Variants in RASGEF1C observed in about 807,000 individuals in gnomAD.
RASGEF1C encodes the protein ras-GEF domain-containing family member 1C.
Under a neutral mutation model 58.1 loss-of-function variants are expected in RASGEF1C, and 27 were observed. The observed-to-expected ratio is 0.46, with a 90% CI of 0.34 to 0.64. RASGEF1C has a LOEUF of 0.64. Ranked by LOEUF, RASGEF1C falls within the 30% of genes least tolerant of loss-of-function variation. RASGEF1C has a pLI of 0.01. For missense variants in RASGEF1C, 502 were observed against 605.1 expected, an observed-to-expected ratio of 0.83 and a Z score of 1.79; for synonymous variants, 243 against 246.3, an observed-to-expected ratio of 0.99 and a Z score of 0.13.
intron 1 of RASGEF1C, among the ~76,000 whole-genome samples, chr5:180,196,250 G>A (rs543217520): frequency 1.5e-4 from 23 of 152,022 alleles, no homozygotes; most frequent in Non-Finnish European, 2.8e-4. Context: ...CTGTAATCCC[G>A]GCACTTTGGG....
chr5:180,198,759 T>C lies in RASGEF1C; in HGVS notation c.-7+10269A>G, dbSNP rs1206608586. On this transcript the variant is annotated intron_variant, in intron 1 of 13. Coordinates refer to ENST00000361132, the MANE Select transcript of RASGEF1C (RefSeq NM_175062.4). The surrounding 1 kb of genome is among the most constrained non-coding windows in gnomAD (Gnocchi z 4.5). Reference sequence around the variant, plus strand: ...TTTGTGGGGGGACATGCTCAGACCATAGCAGATGGGTTCAAACCTAGGCCT... The same window carrying C: ...TTTGTGGGGGGACATGCTCAGACCACAGCAGATGGGTTCAAACCTAGGCCT... Among the ~76,000 whole-genome samples the C allele has an allele frequency of 6.6e-6, 1 of 152,164 alleles. No individual in the cohort carries two copies. Among genetic ancestry groups the C allele is most frequent in the Non-Finnish European group, 1.5e-5 (1 of 68,032 alleles).
chr5:180,118,519 G>T, intron 10 of RASGEF1C, 90 bp downstream of exon 10: 1 of 1,196,230 alleles, frequency 8.4e-7, no homozygotes, highest in Non-Finnish European at 1.2e-6. Context: ...TACTGATGCT[G>T]CAGGGGGCAG....
intron 1 of RASGEF1C, among the ~76,000 whole-genome samples, chr5:180,147,584 T>C (rs1234168434): frequency 6.6e-6 from 1 of 152,214 alleles, no homozygotes; most frequent in African/African-American, 2.4e-5. Context: ...TGTTGTTTAC[T>C]TTCCACAAAT....
intron 4 of RASGEF1C, among the ~76,000 whole-genome samples, chr5:180,135,933 G>A (rs28395184): frequency 6.6e-6 from 1 of 152,208 alleles, no homozygotes. Context: ...TGTTCATCCT[G>A]TAGACACTCT....
intron 6 of RASGEF1C, among the ~76,000 whole-genome samples, chr5:180,124,231 CAA>C (rs11292353): frequency 1.6e-3 from 215 of 134,862 alleles, no homozygotes; most frequent in Admixed American, 1.5e-3. Context: ...GACTCTGTCT[CAA>C]AAAAAAAAAA....
chr5:180,155,313 T>TC lies in RASGEF1C; in HGVS notation c.-6-17256dup, dbSNP rs1324020027. On this transcript the variant is annotated intron_variant, in intron 1 of 13. Transcript: ENST00000361132. This position sits in a 1 kb window ranked among gnomAD's most constrained non-coding sequence, Gnocchi z 5.2. ...AGAGCCTGGAGCCTGGACACACATTTCATTTCCATTTGGGTCCCATGAAGG... is the reference window on the plus strand; with the variant it reads ...AGAGCCTGGAGCCTGGACACACATTTCCATTTCCATTTGGGTCCCATGAAGG... 3.3e-4 allele frequency among the ~76,000 whole-genome samples: 50 copies of TC among 152,290 alleles called. No individual in the cohort carries two copies. Among genetic ancestry groups the TC allele is most frequent in the African/African-American group, 1.2e-3 (49 of 41,568 alleles).
chr5:180,121,124 T>G lies in RASGEF1C; in HGVS notation c.740A>C (p.Asn247Thr). The G allele has an allele frequency of 6.2e-7, 1 of 1,614,046 alleles. No individual in the cohort carries two copies. Among genetic ancestry groups the G allele is most frequent in the Non-Finnish European group, 8.5e-7 (1 of 1,179,918 alleles). The change falls in exon 7 of 14, where the codon AAC (asparagine) becomes ACC (threonine). Residue 247 changes from asparagine (N) to threonine (T), a missense_variant. Coordinates refer to ENST00000361132, the MANE Select transcript of RASGEF1C (RefSeq NM_175062.4). ...GAACCATTTCACATAAGCCTCCAGG[T>G]TGCTGGTCTTGTCACTGAAGCAGGG... is the stretch of plus-strand genomic sequence containing the variant. ...TKPCFSDKTSNLEAYVKWFNR... is the reference protein window; with the variant it reads ...TKPCFSDKTSTLEAYVKWFNR...
intron 1 of RASGEF1C, among the ~76,000 whole-genome samples, chr5:180,178,935 G>A (rs573197695): frequency 4.7e-4 from 71 of 152,288 alleles, no homozygotes; most frequent in African/African-American, 1.6e-3. Context: ...GCCAAGGAGC[G>A]GAGTGGGGAG....
Position 180,118,821 on chromosome 5 carries a change from G to A in RASGEF1C, c.953C>T (p.Ala318Val), listed in dbSNP as rs1239479178. The A allele has an allele frequency of 6.2e-7, 1 of 1,614,094 alleles. No homozygotes were observed. The highest frequency in any genetic ancestry group is 1.3e-5 in the African/African-American group (1 of 74,948). ...GAAAAACTTGGCCGTCCTCACTTTG[G>A]CCCAGGTCTTCTTCAGCCTGGAGAC... ...SPVSRLKKTWAKVRTAKFFIL... is the reference protein window; with the variant it reads ...SPVSRLKKTWVKVRTAKFFIL... Residue 318 changes from alanine (A) to valine (V), a missense_variant, in exon 9 of 14, where the codon GCC becomes GTC. Ala to Val is a moderately conservative substitution (Grantham distance 64). Transcript: ENST00000361132.
chr5:180,140,128 G>A (rs1462038658), intron 1 of RASGEF1C, among the ~76,000 whole-genome samples: 1 of 152,202 alleles, frequency 6.6e-6, no homozygotes, highest in African/African-American at 2.4e-5. Context: ...GGAGGTGGGA[G>A]CAGTGTTCAG....
intron 11 of RASGEF1C, among the ~76,000 whole-genome samples, chr5:180,114,092 T>C (rs978874304): frequency 2.0e-5 from 3 of 152,198 alleles, no homozygotes; most frequent in African/African-American, 7.2e-5. Context: ...GCCTTTGGGC[T>C]GGTCCTGACC....
In RASGEF1C at chr5:180,202,684, A is replaced by T. The variant is rs751268589; in HGVS notation, c.-7+6344T>A. Among the ~76,000 whole-genome samples the T allele has an allele frequency of 3.3e-4, 50 of 152,140 alleles. 1 individual carries two copies. Among genetic ancestry groups the T allele is most frequent in the Non-Finnish European group, 5.4e-4 (37 of 68,024 alleles). Reference sequence around the variant, plus strand: ...AGTATAGAAAGCAAGCAAGCAGGAAATAACAGTACTCACAAGTCTTTCTTT... The same window carrying T: ...AGTATAGAAAGCAAGCAAGCAGGAATTAACAGTACTCACAAGTCTTTCTTT... On this transcript the variant is annotated intron_variant, in intron 1 of 13. Coordinates refer to ENST00000361132, the MANE Select transcript of RASGEF1C (RefSeq NM_175062.4).
intron 1 of RASGEF1C, among the ~76,000 whole-genome samples, chr5:180,180,571 G>A (rs1019964586): frequency 1.3e-5 from 2 of 152,220 alleles, no homozygotes; most frequent in Admixed American, 1.3e-4. Context: ...CTGCCCAGAG[G>A]TGCCAGGAGC....
intron 1 of RASGEF1C, among the ~76,000 whole-genome samples, chr5:180,190,471 C>A (rs1485445779): frequency 8.9e-6 from 1 of 112,176 alleles, no homozygotes; most frequent in Non-Finnish European, 1.8e-5. Context: ...GACTGGGTGA[C>A]AGAGTGAGAC....
Position 180,132,030 on chromosome 5 carries a change from G to A in RASGEF1C, c.439-3420C>T, listed in dbSNP as rs74629704. ...TTTTCTCACTGATTTCTCCACACTC[G>A]TGGATAGGAGCTTGGAGATCTCGCT... On this transcript the variant is annotated intron_variant, in intron 4 of 13. Coordinates refer to ENST00000361132, the MANE Select transcript of RASGEF1C (RefSeq NM_175062.4). Among the ~76,000 whole-genome samples the A allele has an allele frequency of 8.3e-3, 1,259 of 152,218 alleles. 14 individuals carry two copies. Among genetic ancestry groups the A allele is most frequent in the African/African-American group, 0.029 (1,194 of 41,524 alleles).
intron 1 of RASGEF1C, 74 bp downstream of exon 1, chr5:180,208,954 C>G (rs1436617314): frequency 6.8e-6 from 1 of 147,526 alleles, no homozygotes; most frequent in Non-Finnish European, 1.5e-5. Flanking sequence ...GCGCCGCCGG[C>G]AGCCCTCCCC....
In RASGEF1C at chr5:180,159,476, C is replaced by T. The variant is rs28538983; in HGVS notation, c.-6-21418G>A. 9.6e-3 allele frequency among the ~76,000 whole-genome samples: 1,467 copies of T among 152,324 alleles called. 26 individuals are homozygous for T. Among genetic ancestry groups the T allele is most frequent in the African/African-American group, 0.034 (1,401 of 41,576 alleles). On this transcript the variant is annotated intron_variant, in intron 1 of 13. Transcript: ENST00000361132. ...TATTTAAAGTTTTCTTCTTCCTGCG[C>T]TGCCTTTTTGTTTCCTCCAATTTGC...
chr5:180,128,098 C>T (rs545737428), intron 5 of RASGEF1C, among the ~76,000 whole-genome samples: 3 of 152,240 alleles, frequency 2.0e-5, no homozygotes, highest in African/African-American at 2.4e-5. Flanking sequence ...TTAGTTTCCT[C>T]TGTGTACAGG....
At chr5:180,144,996 TG>T (rs1229508006) in intron 1 of RASGEF1C, among the ~76,000 whole-genome samples, 1 of 152,266 alleles carries the variant, frequency 6.6e-6, no homozygotes, top group African/African-American at 2.4e-5. Flanking sequence ...TTTTTAAGGC[TG>T]AATACTGTTC....
Sources: allele counts gnomAD v4.1 joint callset (sites outside exome capture counted in the v4.1 genomes callset), GRCh38; gene constraint gnomAD v4.1.1; non-coding constraint Gnocchi (gnomAD v3.1); transcripts MANE v1.5; gene names NCBI Gene and HGNC (gene_info 2026-07-23, HGNC 2026-07-21).